The following CSMD1 variants were observed in gnomAD, a reference collection of about 807,000 sequenced individuals.
CSMD1 encodes the protein CUB and Sushi multiple domains 1.
In CSMD1, 213 loss-of-function variants were observed where a neutral mutation model predicts 417.5. That is an observed-to-expected ratio of 0.51 (90% CI 0.46 to 0.57). The LOEUF is 0.57. CSMD1 is among the 20% of genes least tolerant of loss of function. CSMD1 has a pLI of 0.00. For synonymous variants in CSMD1, 2,862 were observed against 1,736.8 expected (o/e 1.65, Z -16.11); for missense variants, 6,923 against 4,529.7 (o/e 1.53, Z -15.17).
At chr8:4,820,906 T>G (rs1326759075) in intron 1 of CSMD1, among the ~76,000 whole-genome samples, 1 of 152,238 alleles carries the variant, frequency 6.6e-6, no homozygotes, top group Non-Finnish European at 1.5e-5. Context: ...TTCTCTTAAC[T>G]TGCAGATGTG....
chr8:3,184,167 G>T (rs1483744609), intron 36 of CSMD1, among the ~76,000 whole-genome samples: 1 of 152,214 alleles, frequency 6.6e-6, no homozygotes, highest in African/African-American at 2.4e-5. Context: ...AAGAGGCTCT[G>T]TATCATAGGC....
chr8:3,494,062 A>G (rs1796259205), intron 10 of CSMD1, among the ~76,000 whole-genome samples: 3 of 152,230 alleles, frequency 2.0e-5, no homozygotes. Context: ...TTAGCAAAAG[A>G]AATGTTGGTT....
intron 1 of CSMD1, among the ~76,000 whole-genome samples, chr8:4,665,443 G>A (rs957927564): frequency 1.3e-5 from 2 of 152,178 alleles, no homozygotes; most frequent in East Asian, 3.8e-4. Flanking sequence ...AACCATGAGA[G>A]ATTCAAACTC....
At chr8:4,729,226 T>C (rs1359922642) in intron 1 of CSMD1, among the ~76,000 whole-genome samples, 2 of 152,120 alleles carry the variant, frequency 1.3e-5, no homozygotes, top group African/African-American at 4.8e-5. Flanking sequence ...GAGGGCATTA[T>C]CACAGAAAAT....
At chr8:3,801,712 G>C (rs1000085350) in intron 5 of CSMD1, among the ~76,000 whole-genome samples, 1 of 152,090 alleles carries the variant, frequency 6.6e-6, no homozygotes, top group Admixed American at 6.6e-5. Flanking sequence ...CCAAAATATG[G>C]AAACAATTCA....
At chr8:3,410,814 C>A (rs1048800005) in intron 12 of CSMD1, among the ~76,000 whole-genome samples, 1 of 152,136 alleles carries the variant, frequency 6.6e-6, no homozygotes, top group African/African-American at 2.4e-5. Context: ...TCATAGCTCA[C>A]TGCAACTTCC....
At chr8:3,983,559 G>C (rs888294341) in intron 5 of CSMD1, among the ~76,000 whole-genome samples, 5 of 152,198 alleles carry the variant, frequency 3.3e-5, no homozygotes, top group African/African-American at 1.2e-4. Context: ...GAGAAGGACA[G>C]CCCCAATTTT....
In CSMD1 at chr8:3,982,868, C is replaced by G. The variant is rs1258708624; in HGVS notation, c.818+15035G>C. On this transcript the variant is annotated intron_variant, in intron 5 of 69. Transcript: ENST00000635120. ...AGCTCTACGCATACCAAGGACAAAG[C>G]TAAACCATTAGCGTTTCCTACCCTT... Among the ~76,000 whole-genome samples, 8 of 152,296 alleles carry G rather than the reference C, an allele frequency of 5.3e-5. No individual in the cohort carries two copies. In the East Asian group the frequency reaches 7.7e-4, roughly 15 times the overall value.
chr8:3,823,834 T>A (rs907522182), intron 5 of CSMD1, among the ~76,000 whole-genome samples: 1 of 152,202 alleles, frequency 6.6e-6, no homozygotes, highest in Non-Finnish European at 1.5e-5. Context: ...AGATGGTAAT[T>A]TAAAAAATTT....
Position 4,329,797 on chromosome 8 carries a change from C to T in CSMD1, c.415+90156G>A, listed in dbSNP as rs761823499. 1.5e-4 allele frequency among the ~76,000 whole-genome samples: 23 copies of T among 151,832 alleles called. No homozygotes were observed. In the South Asian group the frequency reaches 2.1e-3, roughly 14 times the overall value. ...CTTGGTGATGAGTGAGCTTTTGCTCCAAGTTCTCATGAGATGTGGTCAATT... is the reference window on the plus strand; with the variant it reads ...CTTGGTGATGAGTGAGCTTTTGCTCTAAGTTCTCATGAGATGTGGTCAATT... On this transcript the variant is annotated intron_variant, in intron 3 of 69. Transcript: ENST00000635120.
chr8:3,120,623 T>C (rs1817143979), intron 41 of CSMD1, among the ~76,000 whole-genome samples: 1 of 151,714 alleles, frequency 6.6e-6, no homozygotes, highest in African/African-American at 2.4e-5. Flanking sequence ...CCGAAGCGGG[T>C]GGATCACAAG....
chr8:4,802,734 T>A lies in CSMD1; in HGVS notation c.86-165176A>T, dbSNP rs1008830884. On this transcript the variant is annotated intron_variant, in intron 1 of 69. Transcript: ENST00000635120. ...GATATTATCTTCCAAAGAGAATGTT[T>A]AAATATGTCAACAATCATTTATTGT... Among the ~76,000 whole-genome samples the A allele has an allele frequency of 7.2e-5, 11 of 152,200 alleles. No individual in the cohort carries two copies. In the East Asian group the frequency reaches 2.1e-3, roughly 29 times the overall value.
At chr8:3,546,044 T>C (rs1250644654) in intron 10 of CSMD1, among the ~76,000 whole-genome samples, 4 of 152,174 alleles carry the variant, frequency 2.6e-5, no homozygotes, top group Non-Finnish European at 4.4e-5. Context: ...CAAAATGCAG[T>C]TTCTCCATCA....
At chr8:4,470,235 G>GA (rs1800447313) in intron 2 of CSMD1, among the ~76,000 whole-genome samples, 1 of 151,974 alleles carries the variant, frequency 6.6e-6, no homozygotes, top group Non-Finnish European at 1.5e-5. Context: ...TTTCAGCCCT[G>GA]CCAGGTCCAT....
At chr8:3,960,027 A>G (rs1444189502) in intron 5 of CSMD1, among the ~76,000 whole-genome samples, 2 of 152,220 alleles carry the variant, frequency 1.3e-5, no homozygotes, top group Non-Finnish European at 2.9e-5. Context: ...AGCCTTTGCA[A>G]GGAGCCTTCT....
At chr8:4,568,964 G>A (rs780458012) in intron 2 of CSMD1, among the ~76,000 whole-genome samples, 1 of 151,884 alleles carries the variant, frequency 6.6e-6, no homozygotes, top group East Asian at 1.9e-4. Context: ...TTTTTGATGG[G>A]TTTTTTCTTG....
chr8:3,891,390 C>A (rs546686903), intron 5 of CSMD1, among the ~76,000 whole-genome samples: 1 of 152,046 alleles, frequency 6.6e-6, no homozygotes, highest in Admixed American at 6.6e-5. Flanking sequence ...ATTCCAAAAT[C>A]CATCCGAGGC....
chr8:4,388,144 C>T (rs990247374), intron 3 of CSMD1, among the ~76,000 whole-genome samples: 4 of 152,144 alleles, frequency 2.6e-5, no homozygotes, highest in African/African-American at 9.7e-5. Flanking sequence ...TAAAAACTTA[C>T]TTCTACCAAC....
At chr8:4,662,047 T>C (rs1029094910) in intron 1 of CSMD1, among the ~76,000 whole-genome samples, 2 of 152,198 alleles carry the variant, frequency 1.3e-5, no homozygotes, top group Non-Finnish European at 2.9e-5. Context: ...GTCAATGATG[T>C]AACTGTGTTG....
Sources: gnomAD v4.1 joint callset for allele counts (sites outside exome capture counted in the v4.1 genomes callset) on GRCh38, gnomAD v4.1.1 for gene constraint, MANE v1.5 for transcripts, NCBI Gene and HGNC (gene_info 2026-07-23, HGNC 2026-07-21) for gene names.